Variants in TCF12 observed in about 807,000 individuals in gnomAD.
The protein encoded by TCF12 is DNA-binding protein HTF4.
A neutral mutation model predicts 86.0 loss-of-function variants in TCF12; 45 were observed. The ratio of observed to expected loss-of-function variants is 0.52; its 90% confidence interval spans 0.41 to 0.67. TCF12 has a LOEUF of 0.67. TCF12 is among the 30% of genes least tolerant of loss of function. TCF12 has a pLI of 0.00. For synonymous variants in TCF12, 330 were observed against 299.6 expected (o/e 1.10, Z -1.05); for missense variants, 881 against 859.9 (o/e 1.02, Z -0.31).
intron 4 of TCF12, among the ~76,000 whole-genome samples, chr15:57,064,689 G>A (rs528859613): frequency 4.0e-5 from 6 of 151,468 alleles, no homozygotes; most frequent in South Asian, 2.1e-4. Flanking sequence ...CCAGCTACTC[G>A]GGAGGCTGAG....
intron 3 of TCF12, among the ~76,000 whole-genome samples, chr15:56,970,110 G>C (rs1447246761): frequency 1.3e-5 from 2 of 152,192 alleles, no homozygotes; most frequent in African/African-American, 4.8e-5. Flanking sequence ...AGAGCATATT[G>C]AAACAGTGTA....
rs375835649 is a variant in TCF12 at position 57,165,077 on chromosome 15, C to A, written c.326-1325C>A. Among the ~76,000 whole-genome samples the A allele has an allele frequency of 1.8e-4, 28 of 152,010 alleles. No individual in the cohort carries two copies. The East Asian group carries it at 5.2e-3, about 28-fold the overall frequency. On this transcript the variant is annotated intron_variant, in intron 5 of 20. Transcript: ENST00000333725. ...ATCAATGCCTATAAAGCTGAAAGTT[C>A]GCATCCTTTAATCTACCAGTTTCCC...
intron 8 of TCF12, among the ~76,000 whole-genome samples, chr15:57,206,582 CTTT>C (rs67531540): frequency 3.6e-5 from 3 of 83,808 alleles, no homozygotes; most frequent in Admixed American, 1.8e-4. Context: ...CTTGTATTCT[CTTT>C]TTTTTTTTTT....
intron 5 of TCF12, among the ~76,000 whole-genome samples, chr15:57,109,750 A>G (rs1479157528): frequency 1.3e-5 from 2 of 152,208 alleles, no homozygotes; most frequent in African/African-American, 4.8e-5. Flanking sequence ...TAAAAATGTT[A>G]AAAGTTAAGG....
intron 18 of TCF12, 120 bp from the exon 19 acceptor site, chr15:57,272,910 A>G: frequency 1.1e-6 from 1 of 925,046 alleles, no homozygotes; most frequent in East Asian, 2.6e-5. Flanking sequence ...ACCTATTACA[A>G]CTGTTTACAA....
chr15:56,973,409 C>A (rs1235925321), intron 3 of TCF12, among the ~76,000 whole-genome samples: 1 of 152,036 alleles, frequency 6.6e-6, no homozygotes, highest in African/African-American at 2.4e-5. Flanking sequence ...TCCCACTGGC[C>A]TTATCTGTGC....
intron 3 of TCF12, among the ~76,000 whole-genome samples, chr15:56,936,159 T>C (rs2060462523): frequency 6.6e-6 from 1 of 152,176 alleles, no homozygotes; most frequent in Non-Finnish European, 1.5e-5. Flanking sequence ...TTTTATTTTT[T>C]TATTATGGCC....
intron 6 of TCF12, among the ~76,000 whole-genome samples, chr15:57,174,903 G>A (rs779984541): frequency 4.6e-5 from 7 of 152,012 alleles, no homozygotes; most frequent in Non-Finnish European, 5.9e-5. Context: ...CCTAAATTGG[G>A]TTATAGATTT....
In TCF12 at chr15:57,100,938, A is replaced by G. The variant is rs1243249812; in HGVS notation, c.325+9047A>G. Among the ~76,000 whole-genome samples the G allele has an allele frequency of 3.3e-5, 5 of 152,170 alleles. No individual in the cohort carries two copies. In the South Asian group the frequency reaches 8.3e-4, roughly 25 times the overall value. ...TTCCATTACATTCTGGTCTTTAGTTATATAGGTTTTTTTACTACATTGCTG... is the reference window on the plus strand; with the variant it reads ...TTCCATTACATTCTGGTCTTTAGTTGTATAGGTTTTTTTACTACATTGCTG... On this transcript the variant is annotated intron_variant, in intron 5 of 20. Coordinates refer to ENST00000333725, the MANE Select transcript of TCF12 (RefSeq NM_207037.2).
At chr15:57,088,315 A>G (rs189108580) in intron 4 of TCF12, among the ~76,000 whole-genome samples, 7 of 152,256 alleles carry the variant, frequency 4.6e-5, no homozygotes, top group African/African-American at 9.6e-5. Flanking sequence ...CTTTTGCTCT[A>G]TGAGCAGCCA....
chr15:57,277,376 A>G (rs775334131), intron 19 of TCF12, among the ~76,000 whole-genome samples: 4 of 151,924 alleles, frequency 2.6e-5, no homozygotes, highest in Non-Finnish European at 5.9e-5. Flanking sequence ...CACACCTGTA[A>G]TCCCAGCACT....
Position 57,104,435 on chromosome 15 carries a change from CTT to C in TCF12, c.325+12567_325+12568del, listed in dbSNP as rs71113062. Among the ~76,000 whole-genome samples the C allele has an allele frequency of 1.7e-3, 175 of 103,324 alleles. 4 individuals carry two copies. Among genetic ancestry groups the C allele is most frequent in the Admixed American group, 6.7e-3 (54 of 8,052 alleles). 67.8% of individuals were successfully genotyped at this position (103,324 alleles called of 152,430 possible). A position where few individuals can be genotyped will look rare whatever the true frequency, so the allele number is the denominator to read the frequency against. Reference sequence around the variant, plus strand: ...AGCCACAAGAATAAATTTTTTTTTTCTTTTTTTTTTTTTTTTTTTTTTTTGAG... The same window carrying C: ...AGCCACAAGAATAAATTTTTTTTTTCTTTTTTTTTTTTTTTTTTTTTTGAG... On this transcript the variant is annotated intron_variant, in intron 5 of 20. Transcript: ENST00000333725.
chr15:56,955,406 G>T (rs213148), intron 3 of TCF12, among the ~76,000 whole-genome samples: 26,430 of 151,896 alleles, frequency 0.17, 2,787 homozygotes, highest in Non-Finnish European at 0.23. Flanking sequence ...CTGTCGTAGG[G>T]TGGGGGGCTG....
At chr15:57,170,722 T>TATAATA (rs1427301623) in intron 6 of TCF12, among the ~76,000 whole-genome samples, 2 of 25,890 alleles carry the variant, frequency 7.7e-5, no homozygotes, top group Non-Finnish European at 1.7e-4. Context: ...AATATATATA[T>TATAATA]TATATATTAT....
At chr15:56,958,848 C>G (rs181283294) in intron 3 of TCF12, among the ~76,000 whole-genome samples, 1 of 152,156 alleles carries the variant, frequency 6.6e-6, no homozygotes, top group Admixed American at 6.5e-5. Flanking sequence ...TAGTGAGACC[C>G]TGTCTCTACC....
intron 3 of TCF12, among the ~76,000 whole-genome samples, chr15:57,051,038 A>G (rs1213959010): frequency 6.6e-6 from 1 of 152,154 alleles, no homozygotes; most frequent in Non-Finnish European, 1.5e-5. Flanking sequence ...ACATGTAGTA[A>G]TTTTTAATTT....
At chr15:57,066,441 A>G (rs1051515759) in intron 4 of TCF12, among the ~76,000 whole-genome samples, 1 of 152,190 alleles carries the variant, frequency 6.6e-6, no homozygotes, top group Admixed American at 6.5e-5. Context: ...GTAGTTGCAG[A>G]TACTTCAGTA....
At position 57,053,471 on chromosome 15, in the gene TCF12, G is replaced by A. The variant is rs117819566; in HGVS notation, c.149-10279G>A. 6.6e-5 allele frequency among the ~76,000 whole-genome samples: 10 copies of A among 152,198 alleles called. No individual in the cohort carries two copies. In the East Asian group the frequency reaches 1.7e-3, roughly 26 times the overall value. ...GTTTTGAGTAGCTTTTTAGATTAAT[G>A]TAGTCCCACTTGTCTGTTTTTGCTT... On this transcript the variant is annotated intron_variant, in intron 3 of 20. Coordinates refer to ENST00000333725, the MANE Select transcript of TCF12 (RefSeq NM_207037.2).
At chr15:57,011,457 A>G (rs1471296090) in intron 3 of TCF12, among the ~76,000 whole-genome samples, 2 of 152,072 alleles carry the variant, frequency 1.3e-5, no homozygotes, top group African/African-American at 4.8e-5. Context: ...CTTTGCTTCT[A>G]CAGCCTGCAG....
Sources: allele counts gnomAD v4.1 joint callset (sites outside exome capture counted in the v4.1 genomes callset), GRCh38; gene constraint gnomAD v4.1.1; transcripts MANE v1.5; gene names NCBI Gene and HGNC (gene_info 2026-07-23, HGNC 2026-07-21).